SUCLG2: variants seen among roughly 807,000 people sequenced by gnomAD.
SUCLG2 encodes the protein succinate--CoA ligase [GDP-forming] subunit beta, mitochondrial.
SUCLG2 carries 42 observed loss-of-function variants against 47.9 expected under a neutral mutation model. The observed-to-expected ratio is 0.88, with a 90% CI of 0.69 to 1.14. The LOEUF is 1.14. Ranked by LOEUF, SUCLG2 falls within the 50% of genes most tolerant of loss-of-function variation. SUCLG2 has a pLI of 0.00. For synonymous variants in SUCLG2, 195 were observed against 197.3 expected, an observed-to-expected ratio of 0.99 and a Z score of 0.10; for missense variants, 571 against 525.9, an observed-to-expected ratio of 1.09 and a Z score of -0.84.
chr3:67,573,520 T>C (rs1559578209), intron 2 of SUCLG2, among the ~76,000 whole-genome samples: 1 of 152,210 alleles, frequency 6.6e-6, no homozygotes, highest in Non-Finnish European at 1.5e-5. Flanking sequence ...TGTATTATCT[T>C]ACAATTCTGT....
chr3:67,471,873 G>C (rs1286505354), intron 9 of SUCLG2, among the ~76,000 whole-genome samples: 2 of 152,122 alleles, frequency 1.3e-5, no homozygotes, highest in Non-Finnish European at 2.9e-5. Flanking sequence ...TAGTAGTTTC[G>C]TGAGAGGTGA....
chr3:67,364,863 C>A (rs184498878), intron 10 of SUCLG2, among the ~76,000 whole-genome samples: 2 of 152,080 alleles, frequency 1.3e-5, no homozygotes, highest in Non-Finnish European at 2.9e-5. Flanking sequence ...AATCATCTAA[C>A]GGACAGTTTA....
intron 2 of SUCLG2, among the ~76,000 whole-genome samples, chr3:67,597,190 G>C (rs1404905918): frequency 6.6e-6 from 1 of 152,180 alleles, no homozygotes; most frequent in Non-Finnish European, 1.5e-5. Context: ...TGGACATAAG[G>C]CTGGCAACAG....
intron 1 of SUCLG2, among the ~76,000 whole-genome samples, chr3:67,641,531 A>G (rs573177734): frequency 5.3e-5 from 8 of 152,334 alleles, no homozygotes; most frequent in African/African-American, 1.9e-4. Context: ...AAAAAAATCA[A>G]CCACACCCAC....
At chr3:67,585,409 C>G (rs1448019488) in intron 2 of SUCLG2, among the ~76,000 whole-genome samples, 1 of 152,164 alleles carries the variant, frequency 6.6e-6, no homozygotes, top group African/African-American at 2.4e-5. Flanking sequence ...CTCTCTGCTC[C>G]CTTTGTGCTC....
chr3:67,411,522 C>G (rs1702933246), intron 9 of SUCLG2, among the ~76,000 whole-genome samples: 2 of 151,912 alleles, frequency 1.3e-5, no homozygotes, highest in African/African-American at 4.8e-5. Context: ...ACATAAGATT[C>G]CAGCTATGAT....
At chr3:67,498,015 T>G in intron 8 of SUCLG2, 119 bp downstream of exon 8, 1 of 1,087,904 alleles carries the variant, frequency 9.2e-7, no homozygotes, top group Non-Finnish European at 1.3e-6. Context: ...CCTAAGACTT[T>G]TCAGCTACAA....
intron 9 of SUCLG2, among the ~76,000 whole-genome samples, chr3:67,413,681 C>T (rs1702975850): frequency 6.6e-6 from 1 of 152,192 alleles, no homozygotes; most frequent in South Asian, 2.1e-4. Context: ...GAAACTAAAG[C>T]TCTCAAATTC....
Position 67,406,699 on chromosome 3 carries a change from C to T in SUCLG2, c.1063-5848G>A, listed in dbSNP as rs554339881. ...GTGATGGAAACAAGATGGGCCCCCT[C>T]GCAAATCATGCAGAGTCTCACAGAG... On this transcript the variant is annotated intron_variant, in intron 9 of 10. Coordinates refer to ENST00000307227, the MANE Select transcript of SUCLG2 (RefSeq NM_003848.4). Among the ~76,000 whole-genome samples, 194 of 152,206 alleles carry T rather than the reference C, an allele frequency of 1.3e-3. 1 individual carries two copies. Among genetic ancestry groups the T allele is most frequent in the African/African-American group, 4.3e-3 (180 of 41,532 alleles).
At chr3:67,539,515 A>T (rs1339315439) in intron 2 of SUCLG2, among the ~76,000 whole-genome samples, 1 of 152,042 alleles carries the variant, frequency 6.6e-6, no homozygotes, top group African/African-American at 2.4e-5. Context: ...TTGGCCTGAA[A>T]TTTTCTTTTT....
chr3:67,634,931 G>T (rs1481904847), intron 1 of SUCLG2, among the ~76,000 whole-genome samples: 1 of 152,126 alleles, frequency 6.6e-6, no homozygotes, highest in African/African-American at 2.4e-5. Context: ...TAATAGCTGT[G>T]CATTCAACCA....
chr3:67,613,053 C>T (rs1344094689), intron 1 of SUCLG2, among the ~76,000 whole-genome samples: 1 of 152,170 alleles, frequency 6.6e-6, no homozygotes, highest in African/African-American at 2.4e-5. Flanking sequence ...CTTGCAGATA[C>T]CGCCACATAT....
At chr3:67,435,412 T>C (rs972567699) in intron 9 of SUCLG2, among the ~76,000 whole-genome samples, 11 of 152,210 alleles carry the variant, frequency 7.2e-5, no homozygotes, top group Non-Finnish European at 4.4e-5. Context: ...AATGATAATA[T>C]GTTATCTCCA....
At chr3:67,378,338 G>C (rs370278147) in intron 10 of SUCLG2, among the ~76,000 whole-genome samples, 2 of 152,194 alleles carry the variant, frequency 1.3e-5, no homozygotes, top group African/African-American at 4.8e-5. Context: ...ACAAAAGCCT[G>C]TGGCTTCAGT....
intron 1 of SUCLG2, among the ~76,000 whole-genome samples, chr3:67,616,949 T>A (rs182999978): frequency 6.6e-6 from 1 of 152,232 alleles, no homozygotes; most frequent in South Asian, 2.1e-4. Flanking sequence ...ATTACAGGCA[T>A]GGCAATGAAG....
intron 9 of SUCLG2, among the ~76,000 whole-genome samples, chr3:67,437,611 A>C (rs1177426078): frequency 6.6e-6 from 1 of 152,032 alleles, no homozygotes. Flanking sequence ...GGCTGTAGAG[A>C]GGCTGGCTTT....
chr3:67,505,917 G>T (rs1343767704), intron 7 of SUCLG2, among the ~76,000 whole-genome samples: 3 of 152,046 alleles, frequency 2.0e-5, no homozygotes, highest in African/African-American at 7.2e-5. Context: ...AGCTGAGGCT[G>T]TACCACTGCA....
chr3:67,634,016 A>C (rs1700968389), intron 1 of SUCLG2, among the ~76,000 whole-genome samples: 1 of 152,158 alleles, frequency 6.6e-6, no homozygotes, highest in African/African-American at 2.4e-5. Context: ...GTGTTCAGAA[A>C]ACTAAAATTT....
chr3:67,511,455 T>C (rs772323887), intron 6 of SUCLG2, among the ~76,000 whole-genome samples: 4 of 152,120 alleles, frequency 2.6e-5, no homozygotes, highest in Admixed American at 6.5e-5. Context: ...GTTCTCATGA[T>C]AGTGAGTAAG....
Sources: allele counts gnomAD v4.1 joint callset (sites outside exome capture counted in the v4.1 genomes callset), GRCh38; gene constraint gnomAD v4.1.1; transcripts MANE v1.5; gene names NCBI Gene and HGNC (gene_info 2026-07-23, HGNC 2026-07-21).